The following PRUNE2 variants were observed in gnomAD, a reference collection of about 807,000 sequenced individuals.
PRUNE2 encodes the protein prune homolog 2 with BCH domain.
In PRUNE2, 164 loss-of-function variants were observed where a neutral mutation model predicts 252.0. That is an observed-to-expected ratio of 0.65 (90% confidence interval 0.57 to 0.74). PRUNE2 has a LOEUF of 0.74. Ranked by LOEUF, PRUNE2 falls within the 30% of genes least tolerant of loss-of-function variation. The probability of loss-of-function intolerance (pLI) is 0.00; values close to 1 mark genes in which losing one functional copy is unlikely to be tolerated. For synonymous variants in PRUNE2, 1,292 were observed against 1,350.2 expected (o/e 0.96, Z 0.94); for missense variants, 3,495 against 3,711.0 (o/e 0.94, Z 1.51).
chr9:76,817,655 A>T (rs2057775111), intron 6 of PRUNE2: 1 of 152,194 alleles, frequency 6.6e-6, no homozygotes, highest in Non-Finnish European at 1.5e-5. Context: ...ACCCCTGGCC[A>T]CCTGACTGGG....
intron 9 of PRUNE2, among the ~76,000 whole-genome samples, chr9:76,664,666 G>A (rs12342460): frequency 0.029 from 4,416 of 152,054 alleles, 210 homozygotes; most frequent in African/African-American, 0.1. Context: ...GATTACAGAC[G>A]TGCACCACCA....
At position 76,614,370 on chromosome 9, in the gene PRUNE2, T is replaced by C. The variant is rs1022500516; in HGVS notation, c.*200A>G. 12 of 599,830 alleles carry C rather than the reference T, an allele frequency of 2.0e-5. No homozygotes were observed. Among genetic ancestry groups the C allele is most frequent in the African/African-American group, 1.7e-4 (9 of 52,968 alleles). The allele number at this position is 599,830 out of a possible 1,614,324, so 37.2% of individuals were successfully genotyped here. On this transcript the variant is annotated 3_prime_UTR_variant, in exon 19 of 19. Coordinates refer to ENST00000376718, the MANE Select transcript of PRUNE2 (RefSeq NM_015225.3). ...CAACTAAAATCTTTGAGGCACATAA[T>C]TGGCAAAATAGGAAAGTACACACAA...
chr9:76,891,271 G>T (rs1350308671), intron 1 of PRUNE2, among the ~76,000 whole-genome samples: 3 of 152,196 alleles, frequency 2.0e-5, no homozygotes, highest in Non-Finnish European at 2.9e-5. Flanking sequence ...CTGCTCTGTA[G>T]CAGGGAAAGA....
At chr9:76,660,798 A>AAAAAG (rs1554669341) in intron 9 of PRUNE2, among the ~76,000 whole-genome samples, 188 of 141,008 alleles carry the variant, frequency 1.3e-3, no homozygotes, top group African/African-American at 3.8e-3. Context: ...AAAAAAAAAA[A>AAAAAG]AAAGAAAGAA....
At chr9:76,627,775 C>T in intron 16 of PRUNE2, 1 of 287,136 alleles carries the variant, frequency 3.5e-6, no homozygotes, top group South Asian at 2.8e-5. Context: ...CGTTCCATCT[C>T]TTCCTGGTTC....
At chr9:76,683,810 T>C (rs1358412066) in intron 9 of PRUNE2, among the ~76,000 whole-genome samples, 6 of 151,998 alleles carry the variant, frequency 3.9e-5, no homozygotes, top group Non-Finnish European at 8.8e-5. Context: ...CATGTATTTA[T>C]CTATATATAT....
At chr9:76,824,171 C>T (rs955807646) in intron 5 of PRUNE2, among the ~76,000 whole-genome samples, 1 of 152,176 alleles carries the variant, frequency 6.6e-6, no homozygotes, top group Non-Finnish European at 1.5e-5. Context: ...CTACCTGTTC[C>T]TAACTCTTCC....
chr9:76,701,520 T>C (rs1028933461), intron 9 of PRUNE2, among the ~76,000 whole-genome samples: 1 of 152,080 alleles, frequency 6.6e-6, no homozygotes, highest in Non-Finnish European at 1.5e-5. Context: ...CTCAGCCAAC[T>C]CATGGCTGCC....
intron 4 of PRUNE2, among the ~76,000 whole-genome samples, chr9:76,832,923 G>A (rs1374626299): frequency 6.6e-6 from 1 of 151,986 alleles, no homozygotes; most frequent in Non-Finnish European, 1.5e-5. Flanking sequence ...TTAAATTTTA[G>A]AAGACATGGA....
In PRUNE2 at chr9:76,706,563, T is replaced by TGGGA. The variant is rs1564097694; in HGVS notation, c.5707_5710dup (p.His1904LeufsTer3). ...TGGTTGAATGTTCCAGAGTTGCTCA[T>TGGGA]GGGAGTTCTTCCCATTACCTTCCAG... is the stretch of plus-strand genomic sequence containing the variant. On this transcript the variant is annotated frameshift_variant, in exon 8 of 19. Coordinates refer to ENST00000376718, the MANE Select transcript of PRUNE2 (RefSeq NM_015225.3). LOFTEE classifies it high-confidence loss of function. 1 of 1,614,004 alleles carries TGGGA rather than the reference T, an allele frequency of 6.2e-7. No homozygotes were observed. Among genetic ancestry groups the TGGGA allele is most frequent in the African/African-American group, 1.3e-5 (1 of 75,072 alleles).
chr9:76,837,377 G>C (rs888994448), intron 4 of PRUNE2, among the ~76,000 whole-genome samples: 1 of 151,712 alleles, frequency 6.6e-6, no homozygotes, highest in Non-Finnish European at 1.5e-5. Flanking sequence ...GGGAGGCAGA[G>C]ATTGCAGTGA....
intron 9 of PRUNE2, among the ~76,000 whole-genome samples, chr9:76,684,080 T>C (rs571692435): frequency 5.9e-5 from 9 of 152,250 alleles, no homozygotes; most frequent in South Asian, 2.1e-4. Context: ...CACATACTTA[T>C]GTTTTTTGTG....
intron 9 of PRUNE2, among the ~76,000 whole-genome samples, chr9:76,686,042 C>T (rs935498600): frequency 6.6e-6 from 1 of 152,210 alleles, no homozygotes; most frequent in Admixed American, 6.5e-5. Flanking sequence ...AATTATAAGA[C>T]TTGATTAATT....
chr9:76,742,125 T>C (rs1359555190), intron 6 of PRUNE2, among the ~76,000 whole-genome samples: 1 of 152,146 alleles, frequency 6.6e-6, no homozygotes, highest in Non-Finnish European at 1.5e-5. Flanking sequence ...GCAGAGCTTA[T>C]TAAAAACACC....
At chr9:76,855,332 C>T (rs952142165) in intron 1 of PRUNE2, among the ~76,000 whole-genome samples, 12 of 151,914 alleles carry the variant, frequency 7.9e-5, no homozygotes, top group African/African-American at 2.7e-4. Flanking sequence ...CTTTTCATCA[C>T]TTGTTTTAAC....
intron 9 of PRUNE2, among the ~76,000 whole-genome samples, chr9:76,661,929 C>A (rs1452754227): frequency 6.6e-6 from 1 of 151,230 alleles, no homozygotes. Context: ...TCATAAAATA[C>A]CAAAAGTCAA....
At chr9:76,776,266 T>G (rs1347048516) in intron 6 of PRUNE2, among the ~76,000 whole-genome samples, 1 of 152,182 alleles carries the variant, frequency 6.6e-6, no homozygotes, top group African/African-American at 2.4e-5. Flanking sequence ...CAATGGGTAA[T>G]TTTTCATTCC....
In PRUNE2 at chr9:76,710,039, C is replaced by A; in HGVS notation, c.2235G>T (p.Met745Ile). The change falls in exon 8 of 19, where the codon ATG becomes ATT. Residue 745 changes from methionine (M) to isoleucine (I), a missense_variant. Transcript: ENST00000376718. ...EESLPFQNLP[M>I]EKSPLPNTSP... ...ATGTATTTGGCAAAGGTGACTTCTC[C>A]ATGGGCAGGTTCTGGAACGGCAAGC... The A allele has an allele frequency of 6.2e-7, 1 of 1,613,480 alleles. No homozygotes were observed. Among genetic ancestry groups the A allele is most frequent in the Non-Finnish European group, 8.5e-7 (1 of 1,179,730 alleles).
intron 6 of PRUNE2, among the ~76,000 whole-genome samples, chr9:76,791,156 C>A (rs943315565): frequency 1.3e-5 from 2 of 152,108 alleles, no homozygotes; most frequent in African/African-American, 4.8e-5. Context: ...GGACCTAATG[C>A]ACAGAATGGT....
Sources: gnomAD v4.1 joint callset for allele counts (sites outside exome capture counted in the v4.1 genomes callset) on GRCh38, gnomAD v4.1.1 for gene constraint, MANE v1.5 for transcripts, NCBI Gene and HGNC (gene_info 2026-07-23, HGNC 2026-07-21) for gene names.